Variants in ETF1 observed in about 807,000 individuals in gnomAD.
The protein encoded by ETF1 is eukaryotic translation termination factor 1, also known as eukaryotic peptide chain release factor subunit 1.
ETF1 carries 4 observed loss-of-function variants against 55.1 expected under a neutral mutation model. The observed-to-expected ratio is 0.07, with a 90% CI of 0.04 to 0.17. ETF1 has a LOEUF of 0.17. Ranked by LOEUF, ETF1 falls within the 10% of genes least tolerant of loss-of-function variation. ETF1 has a pLI of 1.00. For synonymous variants in ETF1, 157 were observed against 182.3 expected (o/e 0.86, Z 1.12); for missense variants, 142 against 523.6 (o/e 0.27, Z 7.11).
intron 10 of ETF1, 119 bp downstream of exon 10, chr5:138,508,550 G>T: frequency 6.4e-7 from 1 of 1,555,948 alleles, no homozygotes; most frequent in South Asian, 1.3e-5. Context: ...CACCTGCTGC[G>T]TCAATCACCT....
At chr5:138,515,785 T>C (rs1462735300) in intron 4 of ETF1, among the ~76,000 whole-genome samples, 1 of 152,156 alleles carries the variant, frequency 6.6e-6, no homozygotes, top group Non-Finnish European at 1.5e-5. Context: ...CAGATACAGG[T>C]AAGTGGTTTC....
intron 9 of ETF1, 34 bp from the exon 10 acceptor site, chr5:138,508,850 G>A (rs371640862): frequency 6.4e-5 from 102 of 1,605,050 alleles, no homozygotes; most frequent in Non-Finnish European, 8.2e-5. Context: ...AAAAATGGGG[G>A]ATTAGGATAT....
chr5:138,526,417 C>G (rs570544000), intron 2 of ETF1, among the ~76,000 whole-genome samples: 52 of 152,220 alleles, frequency 3.4e-4, no homozygotes, highest in African/African-American at 1.1e-3. Context: ...TAAACGTGTA[C>G]TATAGTGTCT....
intron 2 of ETF1, among the ~76,000 whole-genome samples, chr5:138,540,180 T>C (rs1285859813): frequency 1.3e-5 from 2 of 152,210 alleles, no homozygotes; most frequent in Non-Finnish European, 2.9e-5. Flanking sequence ...ATAACTACTG[T>C]TAAAAACAAA....
chr5:138,530,509 C>A (rs1467184555), intron 2 of ETF1, among the ~76,000 whole-genome samples: 1 of 152,070 alleles, frequency 6.6e-6, no homozygotes, highest in Admixed American at 6.6e-5. Context: ...AACCCCTGAT[C>A]TCAAATTATC....
chr5:138,542,244 G>T (rs868765378), intron 2 of ETF1, among the ~76,000 whole-genome samples: 26 of 152,284 alleles, frequency 1.7e-4, no homozygotes, highest in African/African-American at 5.8e-4. Flanking sequence ...CTAAAACCAG[G>T]AAGCTCCGGG....
chr5:138,510,188 T>G (rs186500696), intron 9 of ETF1, among the ~76,000 whole-genome samples: 15 of 151,118 alleles, frequency 9.9e-5, no homozygotes, highest in Admixed American at 9.9e-4. Flanking sequence ...TGAAAACGCC[T>G]CTCTACAAAA....
At chr5:138,520,337 C>G (rs1765182697) in intron 2 of ETF1, among the ~76,000 whole-genome samples, 1 of 152,064 alleles carries the variant, frequency 6.6e-6, no homozygotes, top group Admixed American at 6.6e-5. Flanking sequence ...ACTAGAAAAT[C>G]TAAAGGAAAT....
chr5:138,527,694 G>C (rs1424817515), intron 2 of ETF1, among the ~76,000 whole-genome samples: 1 of 152,060 alleles, frequency 6.6e-6, no homozygotes, highest in Admixed American at 6.5e-5. Flanking sequence ...AAACACTTGA[G>C]TACCAATTTT....
At chr5:138,537,444 T>C (rs142664264) in intron 2 of ETF1, among the ~76,000 whole-genome samples, 202 of 152,358 alleles carry the variant, frequency 1.3e-3, no homozygotes, top group African/African-American at 4.5e-3. Context: ...CCAAGATTAA[T>C]GTCCATAGTT....
intron 2 of ETF1, among the ~76,000 whole-genome samples, chr5:138,540,791 G>C (rs1424217458): frequency 6.6e-6 from 1 of 152,068 alleles, no homozygotes; most frequent in Non-Finnish European, 1.5e-5. Flanking sequence ...AAACTTTACT[G>C]AACTTTGCTA....
chr5:138,541,774 G>A, intron 2 of ETF1: 4 of 269,454 alleles, frequency 1.5e-5, no homozygotes, highest in South Asian at 7.5e-5. Flanking sequence ...TTGGGGGGGG[G>A]GGCACTTCCT....
At chr5:138,537,073 C>A (rs1437337435) in intron 2 of ETF1, among the ~76,000 whole-genome samples, 3 of 152,222 alleles carry the variant, frequency 2.0e-5, no homozygotes, top group Admixed American at 6.5e-5. Flanking sequence ...ATTAGGTTCA[C>A]AGTGCATAGA....
At chr5:138,523,210 T>C (rs1765308704) in intron 2 of ETF1, among the ~76,000 whole-genome samples, 1 of 150,700 alleles carries the variant, frequency 6.6e-6, no homozygotes, top group Non-Finnish European at 1.5e-5. Context: ...CTACTAAAAA[T>C]ACAAAAATTA....
chr5:138,524,505 A>G (rs1765374556), intron 2 of ETF1, among the ~76,000 whole-genome samples: 1 of 151,196 alleles, frequency 6.6e-6, no homozygotes. Flanking sequence ...GTGAGCCGTG[A>G]TCACACCACT....
chr5:138,523,299 G>A (rs1269684666), intron 2 of ETF1, among the ~76,000 whole-genome samples: 4 of 152,144 alleles, frequency 2.6e-5, no homozygotes, highest in South Asian at 2.1e-4. Flanking sequence ...CCCGGGAGGC[G>A]GAGGTTGCAA....
chr5:138,511,653 A>G, intron 6 of ETF1, 49 bp from the exon 7 acceptor site: 2 of 1,534,344 alleles, frequency 1.3e-6, no homozygotes, highest in African/African-American at 1.4e-5. Context: ...CTTATTTAAA[A>G]TATTATTAAA....
At chr5:138,541,634 C>T in intron 2 of ETF1, 1 of 1,522,612 alleles carries the variant, frequency 6.6e-7, no homozygotes, top group African/African-American at 1.4e-5. Context: ...AATGACAATC[C>T]TGGGCTGGAA....
chr5:138,510,357 C>CAAAAAAAAAAAAAAAAAAA (rs57906231), intron 9 of ETF1, among the ~76,000 whole-genome samples: 2 of 64,804 alleles, frequency 3.1e-5, no homozygotes, highest in African/African-American at 1.2e-4. Context: ...GACCTTGTCT[C>CAAAAAAAAAAAAAAAAAAA]AAAAAAAAAA....
Sources: allele counts gnomAD v4.1 joint callset (sites outside exome capture counted in the v4.1 genomes callset), GRCh38; gene constraint gnomAD v4.1.1; transcripts MANE v1.5; gene names NCBI Gene and HGNC (gene_info 2026-07-23, HGNC 2026-07-21).